KAZN: variants seen among roughly 807,000 people sequenced by gnomAD.
KAZN encodes the protein kazrin.
In KAZN, 40 loss-of-function variants were observed where a neutral mutation model predicts 87.4. The observed-to-expected ratio is 0.46, with a 90% CI of 0.36 to 0.60. KAZN has a LOEUF of 0.60. Ranked by LOEUF, KAZN falls within the 20% of genes least tolerant of loss-of-function variation. The pLI, the probability that KAZN is intolerant of heterozygous loss-of-function variation, is 0.00. For missense variants in KAZN, 898 were observed against 1,073.9 expected (o/e 0.84, Z 2.29); for synonymous variants, 466 against 458.3 (o/e 1.02, Z -0.22).
At chr1:14,239,153 G>A (rs924847324) in intron 2 of KAZN, among the ~76,000 whole-genome samples, 1 of 152,090 alleles carries the variant, frequency 6.6e-6, no homozygotes, top group African/African-American at 2.4e-5. Context: ...CTCATTTTCC[G>A]TAAGTCATGC....
intron 2 of KAZN, among the ~76,000 whole-genome samples, chr1:14,357,179 T>C (rs1320480727): frequency 6.6e-6 from 1 of 152,124 alleles, no homozygotes; most frequent in Non-Finnish European, 1.5e-5. Context: ...TTATTCTTTG[T>C]AGCAACTGTG....
At chr1:14,963,679 G>A in intron 2 of KAZN, among the ~76,000 whole-genome samples, 1 of 152,136 alleles carries the variant, frequency 6.6e-6, no homozygotes, top group East Asian at 1.9e-4. Context: ...GAACGTGCAG[G>A]TTTGTTGCAT....
intron 1 of KAZN, among the ~76,000 whole-genome samples, chr1:14,908,753 G>A (rs1227247800): frequency 2.0e-5 from 3 of 152,008 alleles, no homozygotes; most frequent in African/African-American, 2.4e-5. Flanking sequence ...GGTGGCTCAC[G>A]CCTGTAATCC....
Position 14,598,937 on chromosome 1 carries a change from GC to G in KAZN, c.-55del, listed in dbSNP as rs1053933367. On this transcript the variant is annotated 5_prime_UTR_variant, in exon 1 of 15. Coordinates refer to ENST00000376030, the MANE Select transcript of KAZN (RefSeq NM_201628.3). This position sits in a 1 kb window ranked among gnomAD's most constrained non-coding sequence, Gnocchi z 4.2. ...TAGAGCCGGGGGTGCCCGGCCGCGC[GC>G]CCCCCGCGCATCATGCAGCTCTTTG... is the stretch of plus-strand genomic sequence containing the variant. The G allele has an allele frequency of 1.3e-5, 20 of 1,554,578 alleles. No individual in the cohort carries two copies. The African/African-American group carries it at 2.3e-4, about 18-fold the overall frequency.
chr1:14,905,673 G>A lies in KAZN; in HGVS notation c.227-55011G>A, dbSNP rs149671047. On this transcript the variant is annotated intron_variant, in intron 1 of 14. Coordinates refer to ENST00000376030, the MANE Select transcript of KAZN (RefSeq NM_201628.3). The stretch of plus-strand genomic sequence containing the variant: ...ATCCTGGCCAACATGGTGAAAACCC[G>A]TCTCTACCAAAAATACAAAAATTAG... Among the ~76,000 whole-genome samples, 506 of 151,620 alleles carry A rather than the reference G, an allele frequency of 3.3e-3. 8 individuals are homozygous for A. Among genetic ancestry groups the A allele is most frequent in the Admixed American group, 0.023 (344 of 15,196 alleles).
intron 1 of KAZN, among the ~76,000 whole-genome samples, chr1:14,862,621 C>T (rs1270160266): frequency 6.6e-6 from 1 of 152,156 alleles, no homozygotes; most frequent in East Asian, 1.9e-4. Flanking sequence ...CAATCAGCCT[C>T]CCAGACTGTA....
intron 1 of KAZN, among the ~76,000 whole-genome samples, chr1:14,011,913 A>G (rs973191192): frequency 6.6e-6 from 1 of 152,172 alleles, no homozygotes; most frequent in African/African-American, 2.4e-5. Context: ...CTCCTGCAGC[A>G]GTAGTTCTCT....
At chr1:14,612,308 G>A (rs1429293549) in intron 1 of KAZN, among the ~76,000 whole-genome samples, 5 of 152,118 alleles carry the variant, frequency 3.3e-5, no homozygotes, top group African/African-American at 9.7e-5. Flanking sequence ...CAAGACCCGC[G>A]CTCTAACCCC....
At chr1:13,916,443 T>C (rs1639854515) in intron 1 of KAZN, among the ~76,000 whole-genome samples, 1 of 152,082 alleles carries the variant, frequency 6.6e-6, no homozygotes, top group Non-Finnish European at 1.5e-5. Flanking sequence ...TGATACTGCT[T>C]AGTATGGATG....
intron 1 of KAZN, among the ~76,000 whole-genome samples, chr1:14,028,856 C>T (rs1338561191): frequency 6.6e-6 from 1 of 152,002 alleles, no homozygotes; most frequent in Non-Finnish European, 1.5e-5. Flanking sequence ...GCCACATTTT[C>T]TTAATCCAGT....
intron 2 of KAZN, among the ~76,000 whole-genome samples, chr1:14,197,028 T>TG (rs1369038884): frequency 1.3e-5 from 2 of 151,898 alleles, no homozygotes; most frequent in Non-Finnish European, 2.9e-5. Context: ...GAGGCAGCAA[T>TG]GTGGAGGACA....
intron 2 of KAZN, among the ~76,000 whole-genome samples, chr1:15,023,474 G>A (rs560455370): frequency 2.6e-5 from 4 of 152,262 alleles, no homozygotes; most frequent in African/African-American, 9.6e-5. Context: ...CTCATGCAGA[G>A]GTCCCGAGGA....
intron 1 of KAZN, among the ~76,000 whole-genome samples, chr1:14,636,494 GT>G (rs903778734): frequency 8.5e-5 from 13 of 152,274 alleles, no homozygotes; most frequent in Non-Finnish European, 1.9e-4. Context: ...GCTTAAAACT[GT>G]GTTAATTATG....
chr1:14,097,071 C>T (rs1030196351), intron 1 of KAZN, among the ~76,000 whole-genome samples: 4 of 152,140 alleles, frequency 2.6e-5, no homozygotes, highest in African/African-American at 4.8e-5. Context: ...AGAGTTTGAC[C>T]TTTAGAGGTG....
intron 1 of KAZN, among the ~76,000 whole-genome samples, chr1:13,923,572 C>CAAAAAAAAAA (rs58947999): frequency 1.8e-5 from 1 of 55,902 alleles, no homozygotes; most frequent in East Asian, 4.1e-4. Flanking sequence ...GACTCCATCT[C>CAAAAAAAAAA]AAAAAAAAAA....
At chr1:14,976,205 A>G (rs900482433) in intron 2 of KAZN, among the ~76,000 whole-genome samples, 11 of 151,988 alleles carry the variant, frequency 7.2e-5, no homozygotes, top group South Asian at 4.2e-4. Context: ...TCTCATTCCT[A>G]TCACCCAGGC....
chr1:14,576,084 G>T (rs559314026), intron 2 of KAZN, among the ~76,000 whole-genome samples: 1 of 152,350 alleles, frequency 6.6e-6, no homozygotes, highest in South Asian at 2.1e-4. Context: ...GGAGTTGGGA[G>T]ATGAATGTGA....
chr1:14,599,464 G>A lies in KAZN; in HGVS notation c.226+241G>A, dbSNP rs1676774211. On this transcript the variant is annotated intron_variant, in intron 1 of 14. Transcript: ENST00000376030. This position sits in a 1 kb window ranked among gnomAD's most constrained non-coding sequence, Gnocchi z 4.4. ...CACACGGTCACACCGGCCCCGGCCA[G>A]CCTGAGCGAGGCGCAGCCGGCGGGT... 6.6e-6 allele frequency among the ~76,000 whole-genome samples: 1 copy of A among 152,216 alleles called. No individual in the cohort carries two copies.
intron 2 of KAZN, among the ~76,000 whole-genome samples, chr1:14,323,886 G>T (rs568967756): frequency 3.9e-5 from 6 of 152,220 alleles, no homozygotes; most frequent in African/African-American, 1.4e-4. Context: ...TGACTTTATG[G>T]ACTCTTACTT....
Sources: allele counts gnomAD v4.1 joint callset (sites outside exome capture counted in the v4.1 genomes callset), GRCh38; gene constraint gnomAD v4.1.1; non-coding constraint Gnocchi (gnomAD v3.1); transcripts MANE v1.5; gene names NCBI Gene and HGNC (gene_info 2026-07-23, HGNC 2026-07-21).